The following ABHD2 variants were observed in gnomAD, a reference collection of about 807,000 sequenced individuals.
The protein encoded by ABHD2 is monoacylglycerol lipase ABHD2.
ABHD2 carries 20 observed loss-of-function variants against 48.1 expected under a neutral mutation model. That is an observed-to-expected ratio of 0.42 (90% confidence interval 0.29 to 0.60). The LOEUF (loss-of-function observed/expected upper bound fraction) is 0.60, where lower values mean the gene tolerates loss of function less well. Ranked by LOEUF, ABHD2 falls within the 20% of genes least tolerant of loss-of-function variation. The pLI is 0.24. For missense variants in ABHD2, 405 were observed against 550.9 expected, an observed-to-expected ratio of 0.74 and a Z score of 2.65; for synonymous variants, 209 against 214.2, an observed-to-expected ratio of 0.98 and a Z score of 0.21.
chr15:89,101,390 G>A (rs758228600), intron 1 of ABHD2, among the ~76,000 whole-genome samples: 84 of 152,188 alleles, frequency 5.5e-4, no homozygotes, highest in Non-Finnish European at 1.6e-4. Flanking sequence ...GCCACAGTGA[G>A]CTTTCTCTCC....
chr15:89,118,464 G>A (rs901354169), intron 3 of ABHD2, among the ~76,000 whole-genome samples: 29 of 152,206 alleles, frequency 1.9e-4, no homozygotes, highest in African/African-American at 6.7e-4. Context: ...GAGCCACGGC[G>A]CTCGGCCTGA....
In ABHD2 at chr15:89,195,939, G is replaced by A. The variant is rs951364458; in HGVS notation, c.*516G>A. 7 of 152,576 alleles carry A rather than the reference G, an allele frequency of 4.6e-5. No homozygotes were observed. The highest frequency in any genetic ancestry group is 1.2e-4 in the African/African-American group (5 of 41,418). The allele number at this position is 152,576 out of a possible 1,614,324, so 9.5% of individuals were successfully genotyped here. A position where few individuals can be genotyped will look rare whatever the true frequency, so the allele number is the denominator to read the frequency against. On this transcript the variant is annotated 3_prime_UTR_variant, in exon 11 of 11. Coordinates refer to ENST00000352732, the MANE Select transcript of ABHD2 (RefSeq NM_152924.5). This position sits in a 1 kb window ranked among gnomAD's most constrained non-coding sequence, Gnocchi z 5.1. ...CAGGCCAGAGTGTGGCTTCTTAAACGGCAAAGGAAATTCCTTTGAGTCACA... is the reference window on the plus strand; with the variant it reads ...CAGGCCAGAGTGTGGCTTCTTAAACAGCAAAGGAAATTCCTTTGAGTCACA...
rs2049760818 is a variant in ABHD2, at chr15:89,105,000, A to G, written c.-106-8725A>G. ...GTTTAGGATAAATCTCACAATTCATATGCCTGTTCTCTTAGAAAATCTAGA... is the reference window on the plus strand; with the variant it reads ...GTTTAGGATAAATCTCACAATTCATGTGCCTGTTCTCTTAGAAAATCTAGA... On this transcript the variant is annotated intron_variant, in intron 1 of 10. Transcript: ENST00000352732. The surrounding 1 kb of genome is among the most constrained non-coding windows in gnomAD (Gnocchi z 4.4). Among the ~76,000 whole-genome samples, 1 of 152,222 alleles carries G rather than the reference A, an allele frequency of 6.6e-6. No individual in the cohort carries two copies. The highest frequency in any genetic ancestry group is 1.5e-5 in the Non-Finnish European group (1 of 68,028).
chr15:89,096,603 A>G (rs2150777705), intron 1 of ABHD2, among the ~76,000 whole-genome samples: 1 of 152,304 alleles, frequency 6.6e-6, no homozygotes, highest in South Asian at 2.1e-4. Context: ...TGTGCTGACC[A>G]TTTGAGAAAT....
intron 1 of ABHD2, among the ~76,000 whole-genome samples, chr15:89,105,890 C>T (rs1018797173): frequency 1.4e-4 from 21 of 151,432 alleles, no homozygotes; most frequent in African/African-American, 4.6e-4. Context: ...ACAATAGAGA[C>T]GGAGTTTCTC....
At chr15:89,098,306 C>T (rs759573156) in intron 1 of ABHD2, among the ~76,000 whole-genome samples, 1 of 152,138 alleles carries the variant, frequency 6.6e-6, no homozygotes, top group Non-Finnish European at 1.5e-5. Flanking sequence ...TGTGATTGTG[C>T]TAGAGTCCTC....
Position 89,185,374 on chromosome 15 carries a change from C to T in ABHD2, c.723-50C>T, listed in dbSNP as rs1196999259. Reference sequence around the variant, plus strand: ...TGGCTAGAGCCCCCTCCTGGCTGCCCGCCTGCACCCCCACACCGCAGTCAC... The same window carrying T: ...TGGCTAGAGCCCCCTCCTGGCTGCCTGCCTGCACCCCCACACCGCAGTCAC... On this transcript the variant is annotated intron_variant, in intron 6 of 10. Coordinates refer to ENST00000352732, the MANE Select transcript of ABHD2 (RefSeq NM_152924.5). The surrounding 1 kb of genome is among the most constrained non-coding windows in gnomAD (Gnocchi z 5.9). 3.3e-6 allele frequency: 5 copies of T among 1,529,824 alleles called. No homozygotes were observed. Among genetic ancestry groups the T allele is most frequent in the African/African-American group, 1.4e-5 (1 of 73,060 alleles). The allele number at this position is 1,529,824 out of a possible 1,614,324, so 94.8% of individuals were successfully genotyped here. A position where few individuals can be genotyped will look rare whatever the true frequency, so the allele number is the denominator to read the frequency against.
At chr15:89,068,922 C>G in the ABHD2 span, among the ~76,000 whole-genome samples, 1 of 150,990 alleles carries the variant, frequency 6.6e-6, no homozygotes, top group African/African-American at 2.4e-5. Context: ...GCGCATGCCA[C>G]CACACCCTGC....
chr15:89,154,127 G>T (rs1354989761), intron 4 of ABHD2, among the ~76,000 whole-genome samples: 1 of 152,094 alleles, frequency 6.6e-6, no homozygotes, highest in Non-Finnish European at 1.5e-5. Flanking sequence ...CTGTTTAGAG[G>T]TACAGTGACT....
rs2051423529 is a variant in ABHD2, at chr15:89,197,393, G to A, written c.*1970G>A. 1 of 152,644 alleles carries A rather than the reference G, an allele frequency of 6.6e-6. No homozygotes were observed. The highest frequency in any genetic ancestry group is 1.5e-5 in the Non-Finnish European group (1 of 68,032). The allele number at this position is 152,644 out of a possible 1,614,324, so 9.5% of individuals were successfully genotyped here. ...GGCACTTTACCCTCTCAGTTTGGAA[G>A]TTAGCCCCTCTCCTCTGTTACTTTT... On this transcript the variant is annotated 3_prime_UTR_variant, in exon 11 of 11. Transcript: ENST00000352732. This position sits in a 1 kb window ranked among gnomAD's most constrained non-coding sequence, Gnocchi z 4.4.
chr15:89,191,689 G>A lies in ABHD2; in HGVS notation c.996+540G>A, dbSNP rs1016210422. 1.1e-4 allele frequency among the ~76,000 whole-genome samples: 10 copies of A among 92,522 alleles called. No homozygotes were observed. The South Asian group carries it at 3.1e-3, about 29-fold the overall frequency. 60.7% of individuals were successfully genotyped at this position (92,522 alleles called of 152,430 possible). A position where few individuals can be genotyped will look rare whatever the true frequency, so the allele number is the denominator to read the frequency against. On this transcript the variant is annotated intron_variant, in intron 9 of 10. Transcript: ENST00000352732. ...GTCGCCCAGGCTGGAGTGCAGTGGC[G>A]CAATCTCTGCTCACTGCAATCTCCA...
At position 89,195,483 on chromosome 15, in the gene ABHD2, C is replaced by G; in HGVS notation, c.*60C>G. On this transcript the variant is annotated 3_prime_UTR_variant, in exon 11 of 11. Transcript: ENST00000352732. The surrounding 1 kb of genome is among the most constrained non-coding windows in gnomAD (Gnocchi z 5.1). Reference sequence around the variant, plus strand: ...CTCTGGAAGCTGCGTCCCCTCACCCCCTGTTTCAGGTCTCCCATCTCCCTC... The same window carrying G: ...CTCTGGAAGCTGCGTCCCCTCACCCGCTGTTTCAGGTCTCCCATCTCCCTC... The G allele has an allele frequency of 6.5e-7, 1 of 1,547,980 alleles. No homozygotes were observed. The highest frequency in any genetic ancestry group is 1.8e-5 in the Admixed American group (1 of 54,322).
chr15:89,135,600 A>G (rs2050295921), intron 3 of ABHD2: 3 of 1,541,864 alleles, frequency 1.9e-6, no homozygotes, highest in Non-Finnish European at 2.6e-6. Flanking sequence ...CATCTTCCTC[A>G]TCTTCCTCCT....
At chr15:89,061,541 A>G in the ABHD2 span, among the ~76,000 whole-genome samples, 135,895 of 152,194 alleles carry the variant, frequency 0.89, 60,820 homozygotes, top group South Asian at 0.96. Flanking sequence ...ACCCGCACAT[A>G]TACCTCCTGA....
chr15:89,132,000 G>A (rs1272922098), intron 3 of ABHD2, among the ~76,000 whole-genome samples: 1 of 152,104 alleles, frequency 6.6e-6, no homozygotes, highest in Non-Finnish European at 1.5e-5. Flanking sequence ...GGAGTCAGGA[G>A]ACAGATGAGG....
rs2051452240 is a variant in ABHD2, at chr15:89,200,213, A to C, written c.*4790A>C. 6.6e-6 allele frequency: 1 copy of C among 152,228 alleles called. No individual in the cohort carries two copies. Among genetic ancestry groups the C allele is most frequent in the Admixed American group, 6.5e-5 (1 of 15,288 alleles). 9.4% of individuals were successfully genotyped at this position (152,228 alleles called of 1,614,324 possible). A position where few individuals can be genotyped will look rare whatever the true frequency, so the allele number is the denominator to read the frequency against. On this transcript the variant is annotated 3_prime_UTR_variant, in exon 11 of 11. Transcript: ENST00000352732. ...AAGTAAATTTTAATGTCGAAAATGC[A>C]AACTTGGGGAGGGCAGAAAGATCAC...
the ABHD2 span, among the ~76,000 whole-genome samples, chr15:89,061,419 G>A: frequency 6.9e-4 from 104 of 151,336 alleles, no homozygotes; most frequent in South Asian, 4.2e-3. Context: ...ATTCCATCTC[G>A]GAAAAAAAAA....
chr15:89,083,916 G>A (rs1459550371), upstream of ABHD2, among the ~76,000 whole-genome samples: 4 of 152,144 alleles, frequency 2.6e-5, no homozygotes, highest in Non-Finnish European at 5.9e-5. This position sits in a 1 kb window ranked among gnomAD's most constrained non-coding sequence, Gnocchi z 5.1. Context: ...CCTGGTAACA[G>A]GACATTCTGA....
chr15:89,068,429 A>G, the ABHD2 span, among the ~76,000 whole-genome samples: 14 of 152,092 alleles, frequency 9.2e-5, no homozygotes, highest in African/African-American at 3.4e-4. Context: ...GCTGAGAATG[A>G]CTCAACAATT....
Sources: allele counts gnomAD v4.1 joint callset (sites outside exome capture counted in the v4.1 genomes callset), GRCh38; gene constraint gnomAD v4.1.1; non-coding constraint Gnocchi (gnomAD v3.1); transcripts MANE v1.5; gene names NCBI Gene and HGNC (gene_info 2026-07-23, HGNC 2026-07-21).